The following BLM variants were observed in gnomAD, a reference collection of about 807,000 sequenced individuals.
BLM encodes recQ-like DNA helicase BLM.
BLM carries 95 observed loss-of-function variants against 135.3 expected under a neutral mutation model. The ratio of observed to expected loss-of-function variants is 0.70; its 90% CI spans 0.59 to 0.83. The LOEUF (loss-of-function observed/expected upper bound fraction) is 0.83. Ranked by LOEUF, BLM falls within the 40% of genes least tolerant of loss-of-function variation. The probability of loss-of-function intolerance (pLI) is 0.00; values close to 1 mark genes in which losing one functional copy is unlikely to be tolerated. For missense variants in BLM, 1,518 were observed against 1,663.9 expected (o/e 0.91, Z 1.53); for synonymous variants, 520 against 589.2 (o/e 0.88, Z 1.70).
At chr15:90,813,309 C>T (rs1474449554) in intron 21 of BLM, among the ~76,000 whole-genome samples, 1 of 152,208 alleles carries the variant, frequency 6.6e-6, no homozygotes, top group Non-Finnish European at 1.5e-5. Flanking sequence ...TCATCTGGAA[C>T]CTAATCTGAT....
At chr15:90,777,964 G>C (rs992048400) in intron 12 of BLM, among the ~76,000 whole-genome samples, 5 of 152,154 alleles carry the variant, frequency 3.3e-5, no homozygotes, top group East Asian at 1.9e-4. Context: ...TAATATTGCA[G>C]TGTATCAGTA....
chr15:90,734,806 A>G (rs528749135), intron 1 of BLM, among the ~76,000 whole-genome samples: 2 of 152,258 alleles, frequency 1.3e-5, no homozygotes, highest in African/African-American at 2.4e-5. Context: ...TGAGAAAAAT[A>G]TAGAGATACT....
intron 15 of BLM, among the ~76,000 whole-genome samples, chr15:90,791,196 T>A (rs1044881348): frequency 6.6e-6 from 1 of 152,196 alleles, no homozygotes; most frequent in South Asian, 2.1e-4. Flanking sequence ...TGCAGGAAGA[T>A]AAAAAGGAGA....
chr15:90,729,426 C>T (rs1199734895), intron 1 of BLM, among the ~76,000 whole-genome samples: 1 of 152,194 alleles, frequency 6.6e-6, no homozygotes, highest in Non-Finnish European at 1.5e-5. Context: ...TGTTGGCAGG[C>T]TGAGTTCCCT....
intron 11 of BLM, 45 bp from the exon 12 acceptor site, chr15:90,769,393 G>A (rs2151165991): frequency 6.2e-7 from 1 of 1,611,428 alleles, no homozygotes; most frequent in Non-Finnish European, 8.5e-7. Flanking sequence ...TTTATAGAAG[G>A]AAGCTCCAAG....
chr15:90,789,791 T>TA (rs1173046678), intron 14 of BLM, among the ~76,000 whole-genome samples: 9 of 151,132 alleles, frequency 6.0e-5, no homozygotes, highest in East Asian at 5.8e-4. Context: ...TTTTAAGTGC[T>TA]AAAAAAAAAC....
chr15:90,735,747 C>A (rs539209804), intron 1 of BLM, among the ~76,000 whole-genome samples: 45 of 151,756 alleles, frequency 3.0e-4, no homozygotes, highest in Non-Finnish European at 4.9e-4. Flanking sequence ...TTTTCTGTAA[C>A]CTGGATGTGG....
intron 1 of BLM, among the ~76,000 whole-genome samples, chr15:90,746,258 TG>T (rs1895499760): frequency 3.3e-5 from 5 of 152,192 alleles, no homozygotes; most frequent in Admixed American, 2.0e-4. Context: ...GTGATAGGTA[TG>T]TAGGGATTCA....
chr15:90,747,313 C>T (rs1596215488), intron 1 of BLM, 76 bp from the exon 2 acceptor site: 1 of 1,076,374 alleles, frequency 9.3e-7, no homozygotes, highest in East Asian at 2.7e-5. Flanking sequence ...GAATCAAGTC[C>T]TTCCTCCCCT....
chr15:90,735,626 T>C (rs1218756263), intron 1 of BLM, among the ~76,000 whole-genome samples: 1 of 152,070 alleles, frequency 6.6e-6, no homozygotes, highest in East Asian at 1.9e-4. Flanking sequence ...TGTTAGCCAC[T>C]TGAAAAAACA....
At chr15:90,788,075 T>G (rs1896799772) in intron 14 of BLM, among the ~76,000 whole-genome samples, 1 of 152,020 alleles carries the variant, frequency 6.6e-6, no homozygotes, top group South Asian at 2.1e-4. Flanking sequence ...ATCAGTGATG[T>G]AGTGAGTAGC....
At chr15:90,804,122 A>C in intron 18 of BLM, 45 bp from the exon 19 acceptor site, 14 of 1,487,320 alleles carry the variant, frequency 9.4e-6, no homozygotes, top group Non-Finnish European at 1.3e-5. Context: ...TATGGGTACA[A>C]GTGCACATAT....
At position 90,754,932 on chromosome 15, in the gene BLM, T is replaced by A; in HGVS notation, c.1081T>A (p.Cys361Ser). The A allele has an allele frequency of 6.2e-7, 1 of 1,613,790 alleles. No homozygotes were observed. The highest frequency in any genetic ancestry group is 8.5e-7 in the Non-Finnish European group (1 of 1,179,882). Reference sequence around the variant, plus strand: ...GCTGAATCCAGAAACCAGCACAGACTGTGACGGTACAAGCAATATTTTAGA... The same window carrying A: ...GCTGAATCCAGAAACCAGCACAGACAGTGACGGTACAAGCAATATTTTAGA... The part of the protein sequence containing the change: ...QELNPETSTD[C>S]DARQISLQQQ... The change falls in exon 5 of 22, where the codon TGT becomes AGT. Residue 361 changes from cysteine (C) to serine (S), a missense_variant. This residue lies in a region of BLM where 724 missense variants were observed against 756.9 expected (regional missense o/e 0.96). Transcript: ENST00000355112.
chr15:90,777,904 C>T (rs558984485), intron 12 of BLM, among the ~76,000 whole-genome samples: 5 of 152,172 alleles, frequency 3.3e-5, no homozygotes, highest in Non-Finnish European at 5.9e-5. Context: ...CAAGGGTCAT[C>T]CATGTTGTAG....
chr15:90,784,354 G>T (rs1246900245), intron 13 of BLM, among the ~76,000 whole-genome samples: 1 of 78,340 alleles, frequency 1.3e-5, no homozygotes, highest in East Asian at 3.6e-4. Flanking sequence ...TTTTTTTTGA[G>T]GCTGAGTCTC....
intron 2 of BLM, among the ~76,000 whole-genome samples, chr15:90,748,615 A>C (rs999130743): frequency 6.6e-5 from 10 of 152,154 alleles, no homozygotes; most frequent in African/African-American, 2.4e-4. Context: ...TGAGATCATT[A>C]AATCCAGCAG....
At chr15:90,759,798 G>T (rs143145117) in intron 5 of BLM, among the ~76,000 whole-genome samples, 2 of 151,654 alleles carry the variant, frequency 1.3e-5, no homozygotes, top group Admixed American at 1.3e-4. Flanking sequence ...GTAAAGACGG[G>T]GTTTCACCAC....
intron 15 of BLM, 40 bp downstream of exon 15, chr15:90,790,884 A>G (rs2151184820): frequency 1.3e-6 from 2 of 1,574,332 alleles, no homozygotes; most frequent in Non-Finnish European, 1.7e-6. Context: ...TGTCATCTTC[A>G]GCCTCATGAT....
intron 16 of BLM, among the ~76,000 whole-genome samples, chr15:90,794,843 G>A (rs1413769245): frequency 2.0e-5 from 3 of 150,824 alleles, no homozygotes; most frequent in Non-Finnish European, 4.4e-5. Context: ...AATAACTAGT[G>A]TACCGTATGT....
Sources: allele counts gnomAD v4.1 joint callset (sites outside exome capture counted in the v4.1 genomes callset), GRCh38; gene constraint gnomAD v4.1.1; regional missense constraint gnomAD v4.1.1; transcripts MANE v1.5; gene names NCBI Gene and HGNC (gene_info 2026-07-23, HGNC 2026-07-21).